The following SEMA4B variants were observed in gnomAD, a reference collection of about 807,000 sequenced individuals.
SEMA4B encodes the protein semaphorin-4B.
SEMA4B carries 55 observed loss-of-function variants against 88.1 expected under a neutral mutation model. That is an observed-to-expected ratio of 0.62 (90% CI 0.50 to 0.78). The LOEUF is 0.78. Among genes scored for constraint, SEMA4B ranks in the 30% least tolerant of loss-of-function variants. SEMA4B has a pLI of 0.00. For synonymous variants in SEMA4B, 525 were observed against 473.6 expected (o/e 1.11, Z -1.41); for missense variants, 1,062 against 1,111.9 (o/e 0.96, Z 0.64).
intron 4 of SEMA4B, 107 bp downstream of exon 4, chr15:90,219,998 A>C (rs1316156864): frequency 1.2e-6 from 1 of 838,128 alleles, no homozygotes; most frequent in African/African-American, 1.7e-5. Flanking sequence ...CAGGGCCCAG[A>C]GGGAGGTTTC....
In SEMA4B at chr15:90,228,449, G is replaced by A. The variant is rs370827966; in HGVS notation, c.2320G>A (p.Gly774Ser). 9.9e-6 allele frequency: 16 copies of A among 1,610,590 alleles called. No homozygotes were observed. Among genetic ancestry groups the A allele is most frequent in the Non-Finnish European group, 1.2e-5 (14 of 1,178,854 alleles). ...VLPPETRPLNGLGPPSTPLDH... is the reference protein window; with the variant it reads ...VLPPETRPLNSLGPPSTPLDH... ...GCCCCCTGAGACCCGCCCACTCAAC[G>A]GCCTAGGGCCCCCTAGCACCCCGCT... Residue 774 changes from glycine (G) to serine (S), a missense_variant, in exon 14 of 14, where the codon GGC becomes AGC. Transcript: ENST00000411539.
At chr15:90,215,407 C>CA (rs769434968) in intron 1 of SEMA4B, among the ~76,000 whole-genome samples, 7 of 152,026 alleles carry the variant, frequency 4.6e-5, no homozygotes, top group East Asian at 1.9e-4. Context: ...ATTTTTCCCA[C>CA]AAAAAATAGA....
chr15:90,223,577 C>A lies in SEMA4B; in HGVS notation c.880C>A (p.Arg294=). ...RICKGDEGGE[R]VLQQRWTSFL... is the part of the protein sequence containing the mutation. ...CCTCCAGGGCGATGAGGGTGGAGAG[C>A]GGGTGCTACAGCAGCGCTGGACCTC... The change falls in exon 8 of 14, where the codon CGG becomes AGG. Residue 294 remains arginine, a synonymous_variant. Coordinates refer to ENST00000411539, the MANE Select transcript of SEMA4B (RefSeq NM_198925.4). 1.3e-6 allele frequency: 2 copies of A among 1,599,406 alleles called. 1 individual carries two copies. The highest frequency in any genetic ancestry group is 2.2e-5 in the South Asian group (2 of 89,468).
chr15:90,184,940 G>T, upstream of SEMA4B: 2 of 986,026 alleles, frequency 2.0e-6, no homozygotes, highest in South Asian at 9.4e-5. Flanking sequence ...ACGCCGCGCC[G>T]GACTGAGGCT....
intron 2 of SEMA4B, 47 bp downstream of exon 2, chr15:90,217,649 G>C (rs1288642352): frequency 1.9e-6 from 3 of 1,609,050 alleles, no homozygotes; most frequent in Non-Finnish European, 2.6e-6. Context: ...GAGGACCACA[G>C]AGGGAAGATG....
At chr15:90,185,141 C>T in intron 1 of SEMA4B, 1 of 884,748 alleles carries the variant, frequency 1.1e-6, no homozygotes, top group South Asian at 5.1e-5. Flanking sequence ...GCGGACCAGG[C>T]GAAAACCGCC....
At chr15:90,217,418 T>C (rs1185121099) in intron 1 of SEMA4B, 21 bp from the exon 2 acceptor site, 2 of 1,606,944 alleles carry the variant, frequency 1.2e-6, no homozygotes, top group Non-Finnish European at 1.7e-6. Flanking sequence ...CCCCAGGTAA[T>C]ACCCATCTTC....
Position 90,205,090 on chromosome 15 carries a change from A to T in SEMA4B, c.157+3355A>T, listed in dbSNP as rs138691208. Among the ~76,000 whole-genome samples the T allele has an allele frequency of 6.9e-4, 105 of 152,256 alleles. 1 individual carries two copies. Among genetic ancestry groups the T allele is most frequent in the Middle Eastern group, 3.4e-3 (1 of 294 alleles). ...ACATCCGGCCTTAAAGGGAGTTATT[A>T]ATTCCCTCCTGCCCCAGAAGTGCCG... On this transcript the variant is annotated intron_variant, in intron 1 of 13. Transcript: ENST00000411539.
intron 3 of SEMA4B, 21 bp downstream of exon 3, chr15:90,217,850 G>T: frequency 1.2e-6 from 2 of 1,603,472 alleles, no homozygotes; most frequent in South Asian, 1.1e-5. Flanking sequence ...ACCTGGAAGG[G>T]AGCTGAGCTG....
intron 9 of SEMA4B, 36 bp downstream of exon 9, chr15:90,224,024 G>T: frequency 6.3e-7 from 1 of 1,580,300 alleles, no homozygotes; most frequent in African/African-American, 1.3e-5. Context: ...AAGGGGTGCC[G>T]GGAAGATGTG....
intron 1 of SEMA4B, chr15:90,190,278 G>A (rs553362899): frequency 7.9e-5 from 12 of 152,316 alleles, no homozygotes; most frequent in African/African-American, 1.2e-4. Flanking sequence ...ACTGCCACAG[G>A]TGGTGCATTC....
At chr15:90,214,575 G>T (rs1447112477) in intron 1 of SEMA4B, among the ~76,000 whole-genome samples, 2 of 146,442 alleles carry the variant, frequency 1.4e-5, no homozygotes, top group African/African-American at 2.6e-5. Flanking sequence ...GGAGGTTGCG[G>T]TGAGCCAAGA....
intron 1 of SEMA4B, among the ~76,000 whole-genome samples, chr15:90,210,560 C>T (rs892624503): frequency 6.6e-6 from 1 of 152,192 alleles, no homozygotes; most frequent in Non-Finnish European, 1.5e-5. Context: ...GGATGACTTG[C>T]ACCTGAAACA....
At position 90,225,414 on chromosome 15, in the gene SEMA4B, G is replaced by C; in HGVS notation, c.1521+17G>C. 6.5e-7 allele frequency: 1 copy of C among 1,547,832 alleles called. No homozygotes were observed. The highest frequency in any genetic ancestry group is 8.7e-7 in the Non-Finnish European group (1 of 1,145,202). The stretch of plus-strand genomic sequence containing the variant: ...ACCCACAGGGTGAGCAGGCCAACGA[G>C]GAATCCTGGCAGGGTACTTGGGGGG... On this transcript the variant is annotated intron_variant, in intron 11 of 13. Coordinates refer to ENST00000411539, the MANE Select transcript of SEMA4B (RefSeq NM_198925.4).
intron 1 of SEMA4B, among the ~76,000 whole-genome samples, chr15:90,214,230 G>T (rs1961412813): frequency 6.6e-6 from 1 of 151,652 alleles, no homozygotes; most frequent in South Asian, 2.1e-4. Flanking sequence ...TGTAATCCCA[G>T]CTTCTTGGGA....
chr15:90,192,972 G>T (rs1960389487), intron 1 of SEMA4B, among the ~76,000 whole-genome samples: 1 of 152,164 alleles, frequency 6.6e-6, no homozygotes, highest in African/African-American at 2.4e-5. Context: ...GTATGAGAGA[G>T]AGAAAAATGA....
intron 3 of SEMA4B, among the ~76,000 whole-genome samples, chr15:90,218,764 C>A (rs112668630): frequency 1.1e-4 from 16 of 152,120 alleles, no homozygotes; most frequent in African/African-American, 3.9e-4. Context: ...TGCAGTGAGC[C>A]GAGATCTCGC....
rs577467818 is a variant in SEMA4B, at chr15:90,212,552, G to A, written c.158-4887G>A. On this transcript the variant is annotated intron_variant, in intron 1 of 13. Coordinates refer to ENST00000411539, the MANE Select transcript of SEMA4B (RefSeq NM_198925.4). This position sits in a 1 kb window ranked among gnomAD's most constrained non-coding sequence, Gnocchi z 4.0. ...TGACCCCAAGGTGCGCCAGCCCCTC[G>A]CAGGAAGTAAAGTGCAGAAACACCT... 1.3e-5 allele frequency among the ~76,000 whole-genome samples: 2 copies of A among 152,076 alleles called. No homozygotes were observed. Among genetic ancestry groups the A allele is most frequent in the African/African-American group, 4.8e-5 (2 of 41,384 alleles).
At chr15:90,186,195 A>G (rs1218101760) in intron 1 of SEMA4B, among the ~76,000 whole-genome samples, 1 of 151,894 alleles carries the variant, frequency 6.6e-6, no homozygotes, top group Non-Finnish European at 1.5e-5. Flanking sequence ...TGGCCTCCCA[A>G]TGTGCCTGGT....
Sources: gnomAD v4.1 joint callset for allele counts (sites outside exome capture counted in the v4.1 genomes callset) on GRCh38, gnomAD v4.1.1 for gene constraint, Gnocchi (gnomAD v3.1) non-coding constraint, MANE v1.5 for transcripts, NCBI Gene and HGNC (gene_info 2026-07-23, HGNC 2026-07-21) for gene names.